Variants in CYP4F11 observed in about 807,000 individuals in gnomAD.
The protein encoded by CYP4F11 is cytochrome P450 4F11.
A neutral mutation model predicts 62.2 loss-of-function variants in CYP4F11; 79 were observed. The ratio of observed to expected loss-of-function variants is 1.27; its 90% confidence interval spans 1.06 to 1.53. The LOEUF (loss-of-function observed/expected upper bound fraction) is 1.53, where lower values mean the gene tolerates loss of function less well. CYP4F11 is among the 40% of genes most tolerant of loss of function. The probability of loss-of-function intolerance (pLI) is 0.00; values close to 1 mark genes in which losing one functional copy is unlikely to be tolerated. For synonymous variants in CYP4F11, 290 were observed against 263.7 expected (o/e 1.10, Z -0.97); for missense variants, 777 against 680.5 (o/e 1.14, Z -1.58).
At chr19:15,916,031 A>G (rs1271805110) in intron 8 of CYP4F11, among the ~76,000 whole-genome samples, 1 of 152,116 alleles carries the variant, frequency 6.6e-6, no homozygotes, top group Admixed American at 6.6e-5. Flanking sequence ...ACATTTCACC[A>G]TAGCAACAAA....
chr19:15,934,465 A>G lies in CYP4F11; in HGVS notation c.-57T>C. On this transcript the variant is annotated 5_prime_UTR_variant, in exon 1 of 12. Transcript: ENST00000402119. The stretch of plus-strand genomic sequence containing the variant: ...CCTGAGGCCCAGGGAAGGGCCCAGG[A>G]AGCTCCAAGGACAGTGGAAAGGGGC... 1 of 1,594,046 alleles carries G rather than the reference A, an allele frequency of 6.3e-7. No individual in the cohort carries two copies. The highest frequency in any genetic ancestry group is 2.0e-4 in the Middle Eastern group (1 of 4,976).
At chr19:15,931,555 AGT>A (rs2089719233) in intron 1 of CYP4F11, among the ~76,000 whole-genome samples, 15 of 109,886 alleles carry the variant, frequency 1.4e-4, no homozygotes, top group South Asian at 5.9e-4. Context: ...GAGAGGAATG[AGT>A]GAGCGAGGAG....
intron 2 of CYP4F11, among the ~76,000 whole-genome samples, chr19:15,929,066 C>A (rs893370209): frequency 6.6e-6 from 1 of 152,204 alleles, no homozygotes; most frequent in South Asian, 2.1e-4. Context: ...CTCCAGGAAG[C>A]CTTCCAATCT....
chr19:15,921,756 T>C (rs1599374418), intron 8 of CYP4F11, among the ~76,000 whole-genome samples: 1 of 152,032 alleles, frequency 6.6e-6, no homozygotes, highest in East Asian at 1.9e-4. Flanking sequence ...GATAATTCAG[T>C]GAAAAGAGGA....
intron 4 of CYP4F11, 28 bp from the exon 5 acceptor site, chr19:15,924,910 C>A (rs369296312): frequency 6.3e-7 from 1 of 1,597,032 alleles, no homozygotes; most frequent in East Asian, 2.3e-5. Flanking sequence ...AGAGCCAAAG[C>A]TGGGAACTGC....
At position 15,913,891 on chromosome 19, in the gene CYP4F11, C is replaced by T. The variant is rs1446610856; in HGVS notation, c.1416G>A (p.Ala472=). ...CCACCTTCATCTCAGCCATGGCGAA[C>T]GCCTGCCCGATGCAGTTTCTGGGGG... ...SAGPRNCIGQ[A]FAMAEMKVVL... The change falls in exon 12 of 12, where the codon GCG becomes GCA. Residue 472 remains alanine (A), a synonymous_variant. Coordinates refer to ENST00000402119, the MANE Select transcript of CYP4F11 (RefSeq NM_021187.4). The T allele has an allele frequency of 2.5e-6, 4 of 1,613,322 alleles. No individual in the cohort carries two copies. The highest frequency in any genetic ancestry group is 2.7e-5 in the African/African-American group (2 of 75,016).
chr19:15,926,405 C>T (rs2089669132), intron 4 of CYP4F11, among the ~76,000 whole-genome samples: 1 of 152,166 alleles, frequency 6.6e-6, no homozygotes, highest in Non-Finnish European at 1.5e-5. Flanking sequence ...ACAAAACTAG[C>T]TTATCAGCTT....
intron 8 of CYP4F11, among the ~76,000 whole-genome samples, chr19:15,915,921 T>C (rs2089580286): frequency 6.6e-6 from 1 of 151,846 alleles, no homozygotes; most frequent in African/African-American, 2.4e-5. Flanking sequence ...TTAATAATAA[T>C]GATAATAATA....
chr19:15,919,248 T>C (rs1458394987), intron 8 of CYP4F11, among the ~76,000 whole-genome samples: 1 of 147,984 alleles, frequency 6.8e-6, no homozygotes, highest in African/African-American at 2.5e-5. Flanking sequence ...AAATTTAATA[T>C]ATATTAAAAT....
rs60842401 is a variant in CYP4F11 at position 15,921,054 on chromosome 19, GTCTCTCTCTCTCTCTC to G, written c.1115+967_1115+982del. ...TTGGTCTCTCTCTCTCTCTCTTTCT[GTCTCTCTCTCTCTCTC>G]TCTCTCTCTCTCTCTCTCTCTCTCT... On this transcript the variant is annotated intron_variant, in intron 8 of 11. Transcript: ENST00000402119. Among the ~76,000 whole-genome samples, 1,033 of 122,396 alleles carry G rather than the reference GTCTCTCTCTCTCTCTC, an allele frequency of 8.4e-3. 8 individuals are homozygous for G. Among genetic ancestry groups the G allele is most frequent in the African/African-American group, 0.026 (812 of 31,464 alleles). The allele number at this position is 122,396 out of a possible 152,430, so 80.3% of individuals were successfully genotyped here.
At position 15,933,983 on chromosome 19, in the gene CYP4F11, G is replaced by A. The variant is rs377753849; in HGVS notation, c.198+228C>T. Among the ~76,000 whole-genome samples the A allele has an allele frequency of 4.6e-4, 53 of 115,378 alleles. 1 individual carries two copies. The highest frequency in any genetic ancestry group is 5.5e-4 in the Admixed American group (6 of 10,930). The allele number at this position is 115,378 out of a possible 152,430, so 75.7% of individuals were successfully genotyped here. A position where few individuals can be genotyped will look rare whatever the true frequency, so the allele number is the denominator to read the frequency against. ...GAGCGGGGAGAGGAATGAGTGAGCG[G>A]GGAGAGGAATGAGTGAGTGGGCAGA... On this transcript the variant is annotated intron_variant, in intron 1 of 11. Coordinates refer to ENST00000402119, the MANE Select transcript of CYP4F11 (RefSeq NM_021187.4).
At position 15,924,892 on chromosome 19, in the gene CYP4F11, G is replaced by T; in HGVS notation, c.526-10C>A. The T allele has an allele frequency of 6.2e-7, 1 of 1,603,504 alleles. No homozygotes were observed. Among genetic ancestry groups the T allele is most frequent in the East Asian group, 2.2e-5 (1 of 44,552 alleles). ...GGCGCTGCCACTTGTCCTGGCCAGA[G>T]AAAAAACAGAGCCAAAGCTGGGAAC... On this transcript the variant is annotated splice_polypyrimidine_tract_variant and intron_variant, in intron 4 of 11. Transcript: ENST00000402119.
chr19:15,917,168 A>C (rs1381710631), intron 8 of CYP4F11, among the ~76,000 whole-genome samples: 2 of 152,214 alleles, frequency 1.3e-5, no homozygotes, highest in Non-Finnish European at 2.9e-5. Flanking sequence ...AAGTAACTCA[A>C]GAATAAAAAA....
chr19:15,919,950 T>G (rs1421825487), intron 8 of CYP4F11, among the ~76,000 whole-genome samples: 1 of 152,132 alleles, frequency 6.6e-6, no homozygotes, highest in Non-Finnish European at 1.5e-5. Context: ...AAGATGTTGG[T>G]CAAAGGGTAC....
intron 1 of CYP4F11, among the ~76,000 whole-genome samples, chr19:15,930,317 G>C (rs189216152): frequency 2.0e-5 from 3 of 152,090 alleles, no homozygotes; most frequent in Non-Finnish European, 4.4e-5. Flanking sequence ...ATGGCCGGGC[G>C]TGGTGGCTCA....
At chr19:15,927,596 A>G in intron 2 of CYP4F11, 113 bp from the exon 3 acceptor site, 1 of 1,421,216 alleles carries the variant, frequency 7.0e-7, no homozygotes, top group Non-Finnish European at 9.7e-7. Context: ...CACCCAGCAT[A>G]GCAGGAAGAA....
intron 1 of CYP4F11, among the ~76,000 whole-genome samples, chr19:15,929,863 G>A (rs961302657): frequency 2.0e-5 from 3 of 152,182 alleles, no homozygotes; most frequent in Non-Finnish European, 2.9e-5. Context: ...AGAGGCAGAG[G>A]AAAGGGTGGA....
At chr19:15,922,496 A>G in intron 6 of CYP4F11, 66 bp from the exon 7 acceptor site, 1 of 1,525,812 alleles carries the variant, frequency 6.6e-7, no homozygotes, top group East Asian at 2.3e-5. Flanking sequence ...CTTGAGTCAA[A>G]CCTAAGATAA....
At chr19:15,920,109 T>C (rs1297588940) in intron 8 of CYP4F11, among the ~76,000 whole-genome samples, 3 of 152,224 alleles carry the variant, frequency 2.0e-5, no homozygotes, top group African/African-American at 4.8e-5. Flanking sequence ...TATGAGGTAA[T>C]GGATATGACC....
Sources: gnomAD v4.1 joint callset for allele counts (sites outside exome capture counted in the v4.1 genomes callset) on GRCh38, gnomAD v4.1.1 for gene constraint, MANE v1.5 for transcripts, NCBI Gene and HGNC (gene_info 2026-07-23, HGNC 2026-07-21) for gene names.